GPC4: variants seen among roughly 807,000 people sequenced by gnomAD.
The protein encoded by GPC4 is glypican 4.
Under a neutral mutation model 35.0 loss-of-function variants are expected in GPC4, and 10 were observed. That is an observed-to-expected ratio of 0.29 (90% CI 0.18 to 0.48). The LOEUF is 0.48. GPC4 is among the 20% of genes least tolerant of loss of function. The probability of loss-of-function intolerance (pLI) is 0.99; values close to 1 mark genes in which losing one functional copy is unlikely to be tolerated. For missense variants in GPC4, 322 were observed against 451.3 expected (o/e 0.71, Z 2.60); for synonymous variants, 167 against 170.2 (o/e 0.98, Z 0.15).
At chrX:133,366,456 C>T (rs906384783) in intron 1 of GPC4, among the ~76,000 whole-genome samples, 1 of 112,027 alleles carries the variant, frequency 8.9e-6, no homozygotes, top group Non-Finnish European at 1.9e-5. Flanking sequence ...GAGAACAGAA[C>T]ACAGGCCAGC....
At chrX:133,408,481 G>C (rs1387233059) in intron 1 of GPC4, among the ~76,000 whole-genome samples, 1 of 112,312 alleles carries the variant, frequency 8.9e-6, no homozygotes, top group Non-Finnish European at 1.9e-5. Flanking sequence ...GCTCATGCCT[G>C]TAATCCCAGC....
At chrX:133,387,926 T>C (rs1475535384) in intron 1 of GPC4, among the ~76,000 whole-genome samples, 2 of 111,931 alleles carry the variant, frequency 1.8e-5, no homozygotes, top group African/African-American at 3.2e-5. Flanking sequence ...CCTAGCTATA[T>C]TATTTTCATG....
intron 2 of GPC4, among the ~76,000 whole-genome samples, chrX:133,333,452 A>G (rs2068429605): frequency 8.9e-6 from 1 of 112,948 alleles, no homozygotes; most frequent in Admixed American, 9.3e-5. Flanking sequence ...CACACTTCAG[A>G]TAACAACTCA....
chrX:133,345,221 T>G (rs2068487416), intron 1 of GPC4, among the ~76,000 whole-genome samples: 1 of 112,190 alleles, frequency 8.9e-6, no homozygotes, highest in Non-Finnish European at 1.9e-5. Context: ...GGGAAGCTTT[T>G]GGTAAAGACT....
At chrX:133,308,558 C>T (rs1603056015) in intron 4 of GPC4, among the ~76,000 whole-genome samples, 1 of 111,806 alleles carries the variant, frequency 8.9e-6, no homozygotes, top group East Asian at 2.8e-4. Context: ...TTGGATCCAT[C>T]CTGATAAAAG....
intron 2 of GPC4, among the ~76,000 whole-genome samples, chrX:133,338,392 CAA>C (rs1016229592): frequency 8.9e-6 from 1 of 112,037 alleles, no homozygotes; most frequent in Non-Finnish European, 1.9e-5. Flanking sequence ...TAAAAATCTT[CAA>C]ACTGAGTGAA....
At chrX:133,334,263 C>T (rs1959807648) in intron 2 of GPC4, among the ~76,000 whole-genome samples, 2 of 111,916 alleles carry the variant, frequency 1.8e-5, no homozygotes, top group Non-Finnish European at 3.8e-5. Flanking sequence ...GTGCTTCGTG[C>T]CCTGCCTCTG....
intron 3 of GPC4, among the ~76,000 whole-genome samples, chrX:133,318,588 G>A (rs1416704862): frequency 8.9e-6 from 1 of 111,955 alleles, no homozygotes; most frequent in Non-Finnish European, 1.9e-5. Flanking sequence ...TGTAGACATA[G>A]TCCCATTATG....
intron 1 of GPC4, among the ~76,000 whole-genome samples, chrX:133,376,159 G>A (rs914867529): frequency 1.2e-4 from 14 of 112,280 alleles, no homozygotes; most frequent in Non-Finnish European, 1.7e-4. Context: ...CTCCCAGCTC[G>A]CCACTGGCTC....
At chrX:133,363,953 T>C (rs1334544086) in intron 1 of GPC4, among the ~76,000 whole-genome samples, 1 of 112,310 alleles carries the variant, frequency 8.9e-6, no homozygotes, top group Non-Finnish European at 1.9e-5. Context: ...CTTTCTGAAC[T>C]GGCTTTTTTC....
intron 1 of GPC4, among the ~76,000 whole-genome samples, chrX:133,344,191 G>GTTTTTTTTTTTTTTTT (rs747976050): frequency 2.6e-5 from 1 of 38,891 alleles, no homozygotes; most frequent in Non-Finnish European, 5.2e-5. Context: ...TTTCTTTCTG[G>GTTTTTTTTTTTTTTTT]TTTTTTTTTT....
At chrX:133,345,167 C>G (rs1481405522) in intron 1 of GPC4, among the ~76,000 whole-genome samples, 1 of 111,691 alleles carries the variant, frequency 9.0e-6, no homozygotes, top group East Asian at 2.8e-4. Context: ...TAAGTTTTAT[C>G]TAGAAGTCAG....
intron 1 of GPC4, among the ~76,000 whole-genome samples, chrX:133,372,224 T>TAAA (rs372391787): frequency 1.2e-5 from 1 of 82,513 alleles, no homozygotes; most frequent in East Asian, 3.6e-4. Flanking sequence ...ACTCCGTCTT[T>TAAA]AAAAAAAAAA....
chrX:133,401,685 T>C (rs1222538086), intron 1 of GPC4, among the ~76,000 whole-genome samples: 3 of 111,735 alleles, frequency 2.7e-5, no homozygotes, highest in Non-Finnish European at 5.6e-5. Context: ...CAGAAGAGCC[T>C]CCCAGAATGT....
intron 1 of GPC4, among the ~76,000 whole-genome samples, chrX:133,402,924 AAAAG>A (rs1569357001): frequency 9.2e-6 from 1 of 108,286 alleles, no homozygotes; most frequent in African/African-American, 3.4e-5. Flanking sequence ...AAAAAAAAAA[AAAAG>A]AAAGAAAGAA....
chrX:133,322,475 G>A (rs2068370359), intron 3 of GPC4, among the ~76,000 whole-genome samples: 1 of 105,486 alleles, frequency 9.5e-6, no homozygotes. Flanking sequence ...ACCTGTTGTC[G>A]TCTGAGCCTG....
intron 1 of GPC4, among the ~76,000 whole-genome samples, chrX:133,386,352 T>G (rs1415513494): frequency 2.7e-5 from 3 of 112,059 alleles, no homozygotes; most frequent in African/African-American, 9.7e-5. Flanking sequence ...AAATTAAAAC[T>G]GCTCTAGGCA....
chrX:133,371,678 G>C (rs1048480158), intron 1 of GPC4, among the ~76,000 whole-genome samples: 1 of 111,859 alleles, frequency 8.9e-6, no homozygotes, highest in East Asian at 2.8e-4. Context: ...AAAATTGCTT[G>C]AGTTGATTTC....
At chrX:133,388,722 T>C (rs1172127787) in intron 1 of GPC4, among the ~76,000 whole-genome samples, 5 of 110,230 alleles carry the variant, frequency 4.5e-5, no homozygotes, top group Non-Finnish European at 9.5e-5. Flanking sequence ...GGTCTTGATC[T>C]CCATCTCCTG....
Sources: gnomAD v4.1 joint callset for allele counts (sites outside exome capture counted in the v4.1 genomes callset) on GRCh38, gnomAD v4.1.1 for gene constraint, MANE v1.5 for transcripts, NCBI Gene and HGNC (gene_info 2026-07-23, HGNC 2026-07-21) for gene names.